The following PCDHA5 variants were observed in gnomAD, a reference collection of about 807,000 sequenced individuals.
The protein encoded by PCDHA5 is protocadherin alpha 5, also known as protocadherin alpha-5.
A neutral mutation model predicts 61.6 loss-of-function variants in PCDHA5; 43 were observed. The observed-to-expected ratio is 0.70, with a 90% CI of 0.55 to 0.90. The LOEUF (loss-of-function observed/expected upper bound fraction) is 0.90, where lower values mean the gene tolerates loss of function less well. Ranked by LOEUF, PCDHA5 falls within the 40% of genes least tolerant of loss-of-function variation. The pLI, the probability that PCDHA5 is intolerant of heterozygous loss-of-function variation, is 0.00. For synonymous variants in PCDHA5, 627 were observed against 543.9 expected (o/e 1.15, Z -2.13); for missense variants, 1,298 against 1,222.7 (o/e 1.06, Z -0.92).
chr5:140,900,063 G>A (rs1554188862), intron 1 of PCDHA5, among the ~76,000 whole-genome samples: 3 of 152,122 alleles, frequency 2.0e-5, no homozygotes, highest in African/African-American at 7.2e-5. Context: ...TTTAACCTCA[G>A]CCTCCAAAAG....
rs2150120242 is a variant in PCDHA5, at chr5:140,822,908, C to T, written c.1133C>T (p.Ser378Leu). ...CTGATCAGCGTGTCTGACCGTGACT[C>T]AGGTGCCAACGGGCAGGTGACCTGC... ...IALISVSDRDSGANGQVTCSL... is the reference protein window; with the variant it reads ...IALISVSDRDLGANGQVTCSL... The change falls in exon 1 of 4, where the codon TCA becomes TTA. Residue 378 changes from serine (S) to leucine (L), a missense_variant. Physicochemically the swap from Ser to Leu is moderately radical, Grantham distance 145. Transcript: ENST00000529859. 6.2e-7 allele frequency: 1 copy of T among 1,614,256 alleles called. No individual in the cohort carries two copies. Among genetic ancestry groups the T allele is most frequent in the South Asian group, 1.1e-5 (1 of 91,088 alleles).
At chr5:140,942,876 T>C (rs2093384814) in intron 1 of PCDHA5, among the ~76,000 whole-genome samples, 1 of 152,052 alleles carries the variant, frequency 6.6e-6, no homozygotes, top group Non-Finnish European at 1.5e-5. Context: ...GCATGACAAC[T>C]TTTTTCCTAA....
At chr5:140,860,712 GA>G (rs1321036052) in intron 1 of PCDHA5, 1 of 152,188 alleles carries the variant, frequency 6.6e-6, no homozygotes, top group African/African-American at 2.4e-5. Flanking sequence ...TGTTCTCCAT[GA>G]AAAGTTTTTT....
intron 1 of PCDHA5, chr5:140,829,748 G>A (rs1179697520): frequency 1.2e-6 from 2 of 1,613,722 alleles, no homozygotes; most frequent in East Asian, 2.2e-5. Flanking sequence ...GACGCTGCAG[G>A]TGTTCGTGCT....
Position 140,850,752 on chromosome 5 carries a change from C to G in PCDHA5, c.2352+26625C>G. On this transcript the variant is annotated intron_variant, in intron 1 of 3. Transcript: ENST00000529859. ...GGTGGGGAGTTGGTCGTACTCGCAG[C>G]AGAGGAGGCAGAGGGTGTGCTCTGG... is the stretch of plus-strand genomic sequence containing the variant. The G allele has an allele frequency of 1.3e-6, 2 of 1,597,900 alleles. 1 individual carries two copies. Among genetic ancestry groups the G allele is most frequent in the Non-Finnish European group, 1.7e-6 (2 of 1,167,560 alleles).
intron 1 of PCDHA5, among the ~76,000 whole-genome samples, chr5:140,871,818 A>G (rs2053326422): frequency 6.6e-6 from 1 of 152,250 alleles, no homozygotes; most frequent in South Asian, 2.1e-4. Flanking sequence ...TAAAGTACCC[A>G]TGCCCCTTCA....
intron 1 of PCDHA5, among the ~76,000 whole-genome samples, chr5:140,831,853 C>T (rs143262235): frequency 6.6e-6 from 1 of 152,240 alleles, no homozygotes; most frequent in East Asian, 1.9e-4. Context: ...TGTCATAAAG[C>T]TTTAGTAAGT....
At chr5:140,836,150 T>A (rs2150254160) in intron 1 of PCDHA5, 1 of 1,613,680 alleles carries the variant, frequency 6.2e-7, no homozygotes, top group Non-Finnish European at 8.5e-7. Context: ...GCGCGGGCCA[T>A]GTGGTGGCGA....
rs782157769 is a variant in PCDHA5, at chr5:140,877,409, G to T, written c.2352+53282G>T. On this transcript the variant is annotated intron_variant, in intron 1 of 3. Coordinates refer to ENST00000529859, the MANE Select transcript of PCDHA5 (RefSeq NM_018908.3). ...GATGAGGCGGACGCTCCGCGCCACC[G>T]CCTGCTGGTGCTGGTGAAGGACCAC... 11 of 1,613,802 alleles carry T rather than the reference G, an allele frequency of 6.8e-6. No homozygotes were observed. The African/African-American group carries it at 1.3e-4, about 20-fold the overall frequency.
chr5:140,947,277 T>C (rs1272482991), intron 1 of PCDHA5, among the ~76,000 whole-genome samples: 3 of 151,662 alleles, frequency 2.0e-5, no homozygotes, highest in African/African-American at 7.2e-5. Context: ...AAATACTTTT[T>C]CTTTTTATTG....
At chr5:140,829,918 T>C (rs1770676846) in intron 1 of PCDHA5, 2 of 1,613,992 alleles carry the variant, frequency 1.2e-6, no homozygotes, top group East Asian at 4.5e-5. Context: ...GGCTTTCGTA[T>C]GAGCTGCAGC....
intron 3 of PCDHA5, among the ~76,000 whole-genome samples, chr5:140,991,746 T>C (rs74524919): frequency 0.01 from 1,537 of 152,318 alleles, 24 homozygotes; most frequent in African/African-American, 0.035. Flanking sequence ...GTAGGCTCTT[T>C]CTATCATGCT....
chr5:140,823,173 C>G lies in PCDHA5; in HGVS notation c.1398C>G (p.Asn466Lys), dbSNP rs2150123089. The change falls in exon 1 of 4, where the codon AAC becomes AAG. Residue 466 changes from asparagine (N) to lysine (K), a missense_variant. Transcript: ENST00000529859. ...QPQYTVFVKE[N>K]NPPGCHIFTV... ...AGTATACCGTGTTCGTGAAGGAGAA[C>G]AACCCGCCAGGCTGCCACATCTTCA... is the stretch of plus-strand genomic sequence containing the variant. The G allele has an allele frequency of 2.5e-6, 4 of 1,613,906 alleles. No homozygotes were observed. The African/African-American group carries it at 5.3e-5, about 22-fold the overall frequency.
At position 140,821,757 on chromosome 5, in the gene PCDHA5, T is replaced by C. The variant is rs1767048336; in HGVS notation, c.-19T>C. The C allele has an allele frequency of 6.3e-7, 1 of 1,585,704 alleles. No individual in the cohort carries two copies. The highest frequency in any genetic ancestry group is 8.6e-7 in the Non-Finnish European group (1 of 1,166,636). The stretch of plus-strand genomic sequence containing the variant: ...GTGTGGTGATGCAATAGAAAGCTCA[T>C]AATTGGAACGAGATTGAGATGGTAT... On this transcript the variant is annotated 5_prime_UTR_variant, in exon 1 of 4. Coordinates refer to ENST00000529859, the MANE Select transcript of PCDHA5 (RefSeq NM_018908.3).
At chr5:140,995,281 A>G (rs1159938577) in intron 3 of PCDHA5, among the ~76,000 whole-genome samples, 1 of 152,144 alleles carries the variant, frequency 6.6e-6, no homozygotes. Context: ...TGATACCAAA[A>G]CAGCCAGTCG....
chr5:140,919,424 T>G (rs1222822099), intron 1 of PCDHA5, among the ~76,000 whole-genome samples: 7 of 152,218 alleles, frequency 4.6e-5, no homozygotes, highest in Non-Finnish European at 2.9e-5. Context: ...CAATTCTGCC[T>G]TTTGATTGGG....
intron 1 of PCDHA5, among the ~76,000 whole-genome samples, chr5:140,886,142 TA>T (rs1473876165): frequency 6.6e-6 from 1 of 152,180 alleles, no homozygotes; most frequent in African/African-American, 2.4e-5. Flanking sequence ...AGATTCTTGA[TA>T]TCACCTTTTT....
chr5:140,923,804 A>G (rs782008903), intron 1 of PCDHA5, among the ~76,000 whole-genome samples: 30 of 152,222 alleles, frequency 2.0e-4, no homozygotes, highest in Admixed American at 3.9e-4. Flanking sequence ...CACAAATGAA[A>G]TCTTCTGAAA....
At chr5:140,868,198 C>T (rs1220217511) in intron 1 of PCDHA5, 2 of 152,058 alleles carry the variant, frequency 1.3e-5, no homozygotes, top group East Asian at 1.9e-4. Context: ...CTATGGCTTA[C>T]ATTAGAAATA....
Sources: allele counts gnomAD v4.1 joint callset (sites outside exome capture counted in the v4.1 genomes callset), GRCh38; gene constraint gnomAD v4.1.1; transcripts MANE v1.5; gene names NCBI Gene and HGNC (gene_info 2026-07-23, HGNC 2026-07-21).